The following TRAK1 variants were observed in gnomAD, a reference collection of about 807,000 sequenced individuals.
The protein encoded by TRAK1 is trafficking kinesin protein 1.
In TRAK1, 33 loss-of-function variants were observed where a neutral mutation model predicts 92.1. The observed-to-expected ratio is 0.36, with a 90% CI of 0.27 to 0.48. The LOEUF (loss-of-function observed/expected upper bound fraction) is 0.48. TRAK1 is among the 20% of genes least tolerant of loss of function. TRAK1 has a pLI of 0.99. For synonymous variants in TRAK1, 521 were observed against 517.3 expected (o/e 1.01, Z -0.10); for missense variants, 1,123 against 1,257.9 (o/e 0.89, Z 1.62).
At position 42,202,948 on chromosome 3, in the gene TRAK1, G is replaced by A; in HGVS notation, c.1744+196G>A. The A allele has an allele frequency of 7.1e-7, 1 of 1,400,932 alleles. No individual in the cohort carries two copies. Among genetic ancestry groups the A allele is most frequent in the African/African-American group, 1.4e-5 (1 of 69,222 alleles). The allele number at this position is 1,400,932 out of a possible 1,614,324, so 86.8% of individuals were successfully genotyped here. On this transcript the variant is annotated intron_variant, in intron 13 of 15. Transcript: ENST00000327628. This position sits in a 1 kb window ranked among gnomAD's most constrained non-coding sequence, Gnocchi z 6.1. ...TCCGTCCCTCCCCTCTGGCTGGCAG[G>A]TGTGACAATGCACACATAGGCCATG...
chr3:42,108,355 G>A (rs962206911), intron 1 of TRAK1, among the ~76,000 whole-genome samples: 3 of 151,864 alleles, frequency 2.0e-5, no homozygotes, highest in Non-Finnish European at 4.4e-5. Context: ...GCCAAGTGTG[G>A]TGCTGCCTGC....
chr3:42,081,069 G>A (rs1704411020), intron 1 of TRAK1, among the ~76,000 whole-genome samples: 1 of 151,992 alleles, frequency 6.6e-6, no homozygotes, highest in Non-Finnish European at 1.5e-5. Context: ...TAGAGTTAGG[G>A]TTCCACCATG....
At chr3:42,176,791 A>G (rs1703276914) in intron 2 of TRAK1, 23 bp from the exon 3 acceptor site, 1 of 1,608,836 alleles carries the variant, frequency 6.2e-7, no homozygotes, top group African/African-American at 1.3e-5. Context: ...TGGGAGTCTC[A>G]TTGTCATTTT....
chr3:42,052,975 A>G (rs1703040840), intron 1 of TRAK1, among the ~76,000 whole-genome samples: 1 of 152,168 alleles, frequency 6.6e-6, no homozygotes, highest in Non-Finnish European at 1.5e-5. Context: ...ACCTCTGTTA[A>G]GGGGAAAGAC....
intron 2 of TRAK1, among the ~76,000 whole-genome samples, chr3:42,167,646 C>T (rs1208011407): frequency 1.3e-5 from 2 of 152,088 alleles, no homozygotes; most frequent in African/African-American, 4.8e-5. Context: ...TTTGGGAGGC[C>T]GAGGCGGGTG....
rs946568878 is a variant in TRAK1, at chr3:42,219,303, G to C, written c.1964-191G>C. On this transcript the variant is annotated intron_variant, in intron 14 of 15. Coordinates refer to ENST00000327628, the MANE Select transcript of TRAK1 (RefSeq NM_001042646.3). ...CTGGAATTTGGTGCTCTGCAGACCAGTGCTCAAAATTGTGGTTATTTTTGA... is the reference window on the plus strand; with the variant it reads ...CTGGAATTTGGTGCTCTGCAGACCACTGCTCAAAATTGTGGTTATTTTTGA... 2.0e-5 allele frequency: 20 copies of C among 984,876 alleles called. No homozygotes were observed. The Admixed American group carries it at 4.3e-4, about 21-fold the overall frequency. The allele number at this position is 984,876 out of a possible 1,614,324, so 61.0% of individuals were successfully genotyped here.
chr3:42,037,003 A>AT (rs1342041353), intron 1 of TRAK1, among the ~76,000 whole-genome samples: 4 of 151,338 alleles, frequency 2.6e-5, no homozygotes, highest in Admixed American at 6.6e-5. Context: ...ATTTCTTATT[A>AT]TTTTTTGTAG....
chr3:42,211,257 G>A, intron 14 of TRAK1: 1 of 985,334 alleles, frequency 1.0e-6, no homozygotes, highest in South Asian at 4.7e-5. Context: ...TCAGACAGCT[G>A]TGGTCAAGGG....
rs778873084 is a variant in TRAK1, at chr3:42,115,582, C to T, written c.92-9838C>T. 6.9e-4 allele frequency among the ~76,000 whole-genome samples: 105 copies of T among 152,112 alleles called. 1 individual carries two copies. Among genetic ancestry groups the T allele is most frequent in the Admixed American group, 5.2e-3 (79 of 15,266 alleles). On this transcript the variant is annotated intron_variant, in intron 1 of 15. Transcript: ENST00000327628. ...GAACTCAACTGTGTAATTTTGTGTC[C>T]GTTTTCTTAGAAAGCGTTTCTTCTG...
chr3:42,076,672 T>G (rs1198348831), intron 1 of TRAK1, among the ~76,000 whole-genome samples: 2 of 152,216 alleles, frequency 1.3e-5, no homozygotes, highest in Non-Finnish European at 2.9e-5. Flanking sequence ...TTGTTGTAAT[T>G]GGTTTTAGAG....
chr3:42,030,713 T>A (rs1576126341), intron 1 of TRAK1, among the ~76,000 whole-genome samples: 1 of 7,760 alleles, frequency 1.3e-4, no homozygotes, highest in African/African-American at 1.5e-4. Flanking sequence ...TATATATATA[T>A]ATATATATAT....
chr3:42,220,273 C>T (rs947360430), intron 15 of TRAK1, among the ~76,000 whole-genome samples: 1 of 152,154 alleles, frequency 6.6e-6, no homozygotes, highest in African/African-American at 2.4e-5. Flanking sequence ...CTCTCTGGAG[C>T]ACCATCTATG....
intron 1 of TRAK1, among the ~76,000 whole-genome samples, chr3:42,115,404 T>C (rs1353440760): frequency 2.6e-5 from 4 of 152,170 alleles, no homozygotes; most frequent in Non-Finnish European, 5.9e-5. Context: ...AGTTGCCCTT[T>C]AGCCTCACGT....
chr3:42,076,505 T>C (rs538586187), intron 1 of TRAK1, among the ~76,000 whole-genome samples: 1 of 152,206 alleles, frequency 6.6e-6, no homozygotes, highest in Non-Finnish European at 1.5e-5. Flanking sequence ...GGATTACAGG[T>C]GAGAGCCACC....
At chr3:42,035,916 C>G (rs531077803) in intron 1 of TRAK1, among the ~76,000 whole-genome samples, 1 of 152,240 alleles carries the variant, frequency 6.6e-6, no homozygotes, top group Admixed American at 6.5e-5. Context: ...TGCTTCTCTG[C>G]ACAGCCTGTT....
At chr3:42,113,635 G>C (rs1004042308) in intron 1 of TRAK1, among the ~76,000 whole-genome samples, 15 of 151,974 alleles carry the variant, frequency 9.9e-5, no homozygotes, top group African/African-American at 3.6e-4. Flanking sequence ...GGCTGGTCTT[G>C]AACTCCTGAC....
intron 1 of TRAK1, among the ~76,000 whole-genome samples, chr3:42,036,193 G>A (rs1702319978): frequency 6.6e-6 from 1 of 152,172 alleles, no homozygotes; most frequent in Non-Finnish European, 1.5e-5. Flanking sequence ...TCTTGTCTGT[G>A]TGTTACAGGG....
chr3:42,224,461 G>C lies in TRAK1; in HGVS notation c.*724G>C, dbSNP rs544524940. The C allele has an allele frequency of 5.1e-6, 1 of 195,698 alleles. No homozygotes were observed. The highest frequency in any genetic ancestry group is 8.4e-5 in the South Asian group (1 of 11,880). The allele number at this position is 195,698 out of a possible 1,614,324, so 12.1% of individuals were successfully genotyped here. A position where few individuals can be genotyped will look rare whatever the true frequency, so the allele number is the denominator to read the frequency against. On this transcript the variant is annotated 3_prime_UTR_variant, in exon 16 of 16. Transcript: ENST00000327628. ...TACACTCATGCTGCGTTGTTCAGCA[G>C]CCCCTCTGTGTTCTGTGTGATTTGT...
intron 1 of TRAK1, among the ~76,000 whole-genome samples, chr3:42,067,652 A>G (rs1439264714): frequency 2.0e-5 from 3 of 152,046 alleles, no homozygotes; most frequent in South Asian, 2.1e-4. Context: ...GTTGACGGCA[A>G]TGTGATCCTG....
Sources: gnomAD v4.1 joint callset for allele counts (sites outside exome capture counted in the v4.1 genomes callset) on GRCh38, gnomAD v4.1.1 for gene constraint, Gnocchi (gnomAD v3.1) non-coding constraint, MANE v1.5 for transcripts, NCBI Gene and HGNC (gene_info 2026-07-23, HGNC 2026-07-21) for gene names.